Variants in ABTB3 observed in about 807,000 individuals in gnomAD.
ABTB3 encodes the protein ankyrin repeat and BTB domain containing 3, also known as ankyrin repeat- and BTB/POZ domain-containing protein 3.
chr12:107,376,824 C>T, the ABTB3 span, among the ~76,000 whole-genome samples: 5 of 152,150 alleles, frequency 3.3e-5, no homozygotes, highest in African/African-American at 9.7e-5. Context: ...CTACAACCCT[C>T]GCGCTGAATG....
the ABTB3 span, among the ~76,000 whole-genome samples, chr12:107,430,998 C>A: frequency 6.6e-6 from 1 of 152,170 alleles, no homozygotes; most frequent in Non-Finnish European, 1.5e-5. Flanking sequence ...AAATGGAAAT[C>A]TTTCTGGCTC....
At chr12:107,327,262 GATT>G in the ABTB3 span, among the ~76,000 whole-genome samples, 9 of 152,134 alleles carry the variant, frequency 5.9e-5, no homozygotes, top group African/African-American at 2.2e-4. Context: ...CTGAAGCCCG[GATT>G]ATTACTTCCT....
the ABTB3 span, among the ~76,000 whole-genome samples, chr12:107,498,056 C>A: frequency 6.6e-6 from 1 of 152,112 alleles, no homozygotes; most frequent in Non-Finnish European, 1.5e-5. Context: ...AGCACTGGCC[C>A]ACAAAGTGAT....
chr12:107,618,325 A>G, the ABTB3 span: 2 of 1,613,806 alleles, frequency 1.2e-6, no homozygotes, highest in Non-Finnish European at 1.7e-6. Flanking sequence ...GAGGCCATGT[A>G]TCACAGCGCT....
chr12:107,547,816 CTG>C, the ABTB3 span, among the ~76,000 whole-genome samples: 1 of 152,212 alleles, frequency 6.6e-6, no homozygotes, highest in African/African-American at 2.4e-5. Context: ...CCTCATGAGA[CTG>C]ATGTGAGCAA....
chr12:107,368,652 C>G, the ABTB3 span, among the ~76,000 whole-genome samples: 3 of 152,154 alleles, frequency 2.0e-5, no homozygotes, highest in Non-Finnish European at 4.4e-5. Flanking sequence ...AACTTGGTTT[C>G]GATAATCAGT....
At chr12:107,392,780 T>C in the ABTB3 span, among the ~76,000 whole-genome samples, 2 of 152,338 alleles carry the variant, frequency 1.3e-5, no homozygotes, top group Non-Finnish European at 2.9e-5. Flanking sequence ...AAGCCTGGTG[T>C]TGTGTACACA....
the ABTB3 span, among the ~76,000 whole-genome samples, chr12:107,451,112 T>C: frequency 1.3e-5 from 2 of 152,150 alleles, no homozygotes; most frequent in Non-Finnish European, 1.5e-5. Context: ...GCAACTGCCA[T>C]GTACAGCACG....
At chr12:107,644,972 CTT>C in the ABTB3 span, among the ~76,000 whole-genome samples, 18,945 of 127,062 alleles carry the variant, frequency 0.15, 1,360 homozygotes, top group South Asian at 0.22. Flanking sequence ...TCAAAATTCA[CTT>C]TTTTTTTTTT....
At chr12:107,341,855 C>A in the ABTB3 span, among the ~76,000 whole-genome samples, 1 of 152,118 alleles carries the variant, frequency 6.6e-6, no homozygotes, top group Non-Finnish European at 1.5e-5. Flanking sequence ...TGGCACCTCC[C>A]TCCTCCCTCC....
At chr12:107,454,912 T>C in the ABTB3 span, among the ~76,000 whole-genome samples, 107 of 152,344 alleles carry the variant, frequency 7.0e-4, no homozygotes, top group African/African-American at 2.4e-3. Flanking sequence ...GAACACCTTA[T>C]TGTTACAGTC....
the ABTB3 span, among the ~76,000 whole-genome samples, chr12:107,549,441 T>C: frequency 2.0e-5 from 3 of 152,232 alleles, no homozygotes; most frequent in African/African-American, 7.2e-5. Context: ...AGCATGTTAG[T>C]TATAGCTCTA....
At chr12:107,628,519 C>T in the ABTB3 span, among the ~76,000 whole-genome samples, 3 of 152,306 alleles carry the variant, frequency 2.0e-5, no homozygotes, top group Admixed American at 2.0e-4. Context: ...ATTCTACTTT[C>T]TCTTGATTCT....
At chr12:107,504,912 C>T in the ABTB3 span, among the ~76,000 whole-genome samples, 1 of 152,196 alleles carries the variant, frequency 6.6e-6, no homozygotes, top group Non-Finnish European at 1.5e-5. Context: ...GTGGGGTGCT[C>T]ACTTGCTATT....
the ABTB3 span, among the ~76,000 whole-genome samples, chr12:107,447,442 G>A: frequency 5.3e-5 from 8 of 152,110 alleles, no homozygotes; most frequent in African/African-American, 1.9e-4. Context: ...TTGCCTGGCT[G>A]ATTGACTTTT....
At chr12:107,656,377 T>C in the ABTB3 span, among the ~76,000 whole-genome samples, 2,124 of 152,288 alleles carry the variant, frequency 0.014, 44 homozygotes, top group Admixed American at 0.058. Flanking sequence ...ACATGTTCTG[T>C]AAAGGGCCAG....
the ABTB3 span, among the ~76,000 whole-genome samples, chr12:107,606,448 C>T: frequency 2.0e-5 from 3 of 152,174 alleles, no homozygotes; most frequent in Admixed American, 6.5e-5. Flanking sequence ...TATTCATTTA[C>T]GAGTCTGTGA....
At chr12:107,549,654 C>A in the ABTB3 span, among the ~76,000 whole-genome samples, 679 of 152,306 alleles carry the variant, frequency 4.5e-3, 7 homozygotes, top group African/African-American at 0.015. Flanking sequence ...AAAATTTGAC[C>A]TTGAATTAAC....
At chr12:107,559,733 C>A in the ABTB3 span, among the ~76,000 whole-genome samples, 14 of 152,220 alleles carry the variant, frequency 9.2e-5, no homozygotes, top group Non-Finnish European at 2.1e-4. Flanking sequence ...AACAAACCCT[C>A]TACAGGTATA....
Sources: gnomAD v4.1 joint callset for allele counts (sites outside exome capture counted in the v4.1 genomes callset) on GRCh38, gnomAD v4.1.1 for gene constraint, MANE v1.5 for transcripts, NCBI Gene and HGNC (gene_info 2026-07-23, HGNC 2026-07-21) for gene names.